Variants in DIAPH3 observed in about 807,000 individuals in gnomAD.
The protein encoded by DIAPH3 is diaphanous related formin 3.
A neutral mutation model predicts 144.3 loss-of-function variants in DIAPH3; 117 were observed. The ratio of observed to expected loss-of-function variants is 0.81; its 90% confidence interval spans 0.70 to 0.95. The LOEUF (loss-of-function observed/expected upper bound fraction) is 0.95. DIAPH3 is among the 40% of genes least tolerant of loss of function. The probability of loss-of-function intolerance (pLI) is 0.00; values close to 1 mark genes in which losing one functional copy is unlikely to be tolerated. For missense variants in DIAPH3, 1,421 were observed against 1,412.7 expected (o/e 1.01, Z -0.09); for synonymous variants, 519 against 488.9 (o/e 1.06, Z -0.81).
chr13:59,684,139 G>A (rs917759353), intron 27 of DIAPH3, among the ~76,000 whole-genome samples: 3 of 152,004 alleles, frequency 2.0e-5, no homozygotes, highest in Non-Finnish European at 4.4e-5. Context: ...TTTCTTCTGG[G>A]CCTTCTTAAG....
At chr13:59,983,709 A>C in intron 13 of DIAPH3, 60 bp downstream of exon 13, 84 of 1,139,542 alleles carry the variant, frequency 7.4e-5, no homozygotes, top group Non-Finnish European at 1.0e-4. Context: ...CCAATGCCCT[A>C]GAGCTCATTC....
At chr13:59,794,457 G>C (rs1231573605) in intron 25 of DIAPH3, among the ~76,000 whole-genome samples, 2 of 151,838 alleles carry the variant, frequency 1.3e-5, no homozygotes, top group African/African-American at 4.8e-5. Flanking sequence ...TTTCCTATTA[G>C]GGGAATATTC....
intron 18 of DIAPH3, among the ~76,000 whole-genome samples, chr13:59,922,233 G>A (rs2140292330): frequency 6.6e-6 from 1 of 151,944 alleles, no homozygotes; most frequent in South Asian, 2.1e-4. Context: ...AAAAAAAATA[G>A]GCAGAAATAA....
At chr13:59,758,779 C>G (rs983746559) in intron 27 of DIAPH3, among the ~76,000 whole-genome samples, 1 of 139,122 alleles carries the variant, frequency 7.2e-6, no homozygotes, top group African/African-American at 2.6e-5. Flanking sequence ...TTTTCTCTCT[C>G]TTTTTTTTTT....
At chr13:59,782,798 C>T (rs529341958) in intron 25 of DIAPH3, among the ~76,000 whole-genome samples, 1 of 152,228 alleles carries the variant, frequency 6.6e-6, no homozygotes, top group South Asian at 2.1e-4. Context: ...ATATCTGAGA[C>T]TTAAAGAACC....
chr13:59,970,189 C>G (rs1276141363), intron 16 of DIAPH3, 131 bp from the exon 17 acceptor site: 2 of 467,626 alleles, frequency 4.3e-6, no homozygotes, highest in Non-Finnish European at 7.6e-6. Flanking sequence ...AGATTTTTCC[C>G]TGAAGTGTGT....
At chr13:60,132,567 A>C (rs1191250272) in intron 2 of DIAPH3, among the ~76,000 whole-genome samples, 6 of 152,140 alleles carry the variant, frequency 3.9e-5, no homozygotes. Flanking sequence ...AAATTTTAAA[A>C]ATATATATGC....
intron 22 of DIAPH3, among the ~76,000 whole-genome samples, chr13:59,851,779 C>T (rs1488106788): frequency 3.3e-5 from 5 of 152,094 alleles, no homozygotes; most frequent in Non-Finnish European, 5.9e-5. Flanking sequence ...TGCACCACCA[C>T]GCCCAGTTTT....
intron 22 of DIAPH3, among the ~76,000 whole-genome samples, chr13:59,847,649 G>A (rs1205922784): frequency 6.6e-6 from 1 of 152,144 alleles, no homozygotes; most frequent in East Asian, 1.9e-4. Context: ...TGTTCCCTTA[G>A]TATAATGGTT....
intron 27 of DIAPH3, among the ~76,000 whole-genome samples, chr13:59,741,204 C>T (rs1356585669): frequency 1.3e-5 from 2 of 152,012 alleles, no homozygotes. Context: ...AGAAGAAATA[C>T]AAAGGGAAGC....
At chr13:59,719,671 C>T (rs776077847) in intron 27 of DIAPH3, among the ~76,000 whole-genome samples, 1 of 152,130 alleles carries the variant, frequency 6.6e-6, no homozygotes, top group East Asian at 1.9e-4. Flanking sequence ...TTGGAGAAAG[C>T]TCTTTAAAGA....
intron 2 of DIAPH3, among the ~76,000 whole-genome samples, chr13:60,126,488 C>T (rs1003013908): frequency 1.2e-4 from 18 of 152,058 alleles, no homozygotes; most frequent in African/African-American, 2.2e-4. Flanking sequence ...ACCAATCGAA[C>T]GGGAAAAATA....
At chr13:59,735,957 A>G (rs2036130013) in intron 27 of DIAPH3, among the ~76,000 whole-genome samples, 1 of 152,040 alleles carries the variant, frequency 6.6e-6, no homozygotes, top group South Asian at 2.1e-4. Context: ...GAACCCTCTG[A>G]CAGGCCCCAG....
Position 59,816,931 on chromosome 13 carries a change from T to C in DIAPH3, c.3028-6008A>G, listed in dbSNP as rs140162953. Among the ~76,000 whole-genome samples, 1,135 of 152,028 alleles carry C rather than the reference T, an allele frequency of 7.5e-3. 14 individuals carry two copies. Among genetic ancestry groups the C allele is most frequent in the African/African-American group, 0.025 (1,058 of 41,554 alleles). The stretch of plus-strand genomic sequence containing the variant: ...TCCAGCAAAGTCTAATGTGGGGTAT[T>C]TTCAATATTGTTCAGGTATAACTGT... On this transcript the variant is annotated intron_variant, in intron 24 of 27. Transcript: ENST00000400324.
chr13:59,868,373 GTTT>G (rs1176222860), intron 21 of DIAPH3, among the ~76,000 whole-genome samples: 2 of 151,970 alleles, frequency 1.3e-5, no homozygotes, highest in African/African-American at 4.8e-5. Flanking sequence ...AATTTTAAAG[GTTT>G]TTTAACCCTT....
rs371379199 is a variant in DIAPH3 at position 59,945,797 on chromosome 13, T to C, written c.2075-20927A>G. 6.6e-4 allele frequency among the ~76,000 whole-genome samples: 101 copies of C among 152,292 alleles called. 2 individuals carry two copies. The highest frequency in any genetic ancestry group is 2.4e-3 in the African/African-American group (98 of 41,572). On this transcript the variant is annotated intron_variant, in intron 17 of 27. Transcript: ENST00000400324. Reference sequence around the variant, plus strand: ...CAGGGTCAAGAGGTACAGGTGAGTATTTCTGTCCTGTTTCCTTCATGACTC... The same window carrying C: ...CAGGGTCAAGAGGTACAGGTGAGTACTTCTGTCCTGTTTCCTTCATGACTC...
chr13:60,001,724 T>A (rs1039674827), intron 9 of DIAPH3, among the ~76,000 whole-genome samples: 3 of 152,190 alleles, frequency 2.0e-5, no homozygotes, highest in Admixed American at 2.0e-4. Flanking sequence ...CCTACAGGTA[T>A]GATCATAAGA....
intron 12 of DIAPH3, among the ~76,000 whole-genome samples, chr13:59,988,495 T>G (rs1371327818): frequency 1.3e-4 from 19 of 151,900 alleles, no homozygotes; most frequent in Non-Finnish European, 2.9e-5. Context: ...AATTATGAGT[T>G]CATCTATAAT....
chr13:60,104,946 A>C (rs2058368003), intron 3 of DIAPH3, among the ~76,000 whole-genome samples: 1 of 151,952 alleles, frequency 6.6e-6, no homozygotes, highest in Non-Finnish European at 1.5e-5. Context: ...ATACAAAAAA[A>C]TTAGCTGGGA....
Sources: gnomAD v4.1 joint callset for allele counts (sites outside exome capture counted in the v4.1 genomes callset) on GRCh38, gnomAD v4.1.1 for gene constraint, MANE v1.5 for transcripts, NCBI Gene and HGNC (gene_info 2026-07-23, HGNC 2026-07-21) for gene names.